The following EPCIP variants were observed in gnomAD, a reference collection of about 807,000 sequenced individuals.
EPCIP encodes the protein exosomal polycystin-1-interacting protein.
chr21:32,794,648 C>T, the EPCIP span, among the ~76,000 whole-genome samples: 1 of 152,252 alleles, frequency 6.6e-6, no homozygotes, highest in Non-Finnish European at 1.5e-5. Flanking sequence ...ACTGGGCAAG[C>T]TCTTTTCTCA....
At chr21:32,795,803 G>A in the EPCIP span, among the ~76,000 whole-genome samples, 1 of 152,240 alleles carries the variant, frequency 6.6e-6, no homozygotes, top group Non-Finnish European at 1.5e-5. Flanking sequence ...TAGACAGGCA[G>A]GAGGCACAAG....
the EPCIP span, chr21:32,794,226 C>T: frequency 8.5e-5 from 138 of 1,614,140 alleles, no homozygotes; most frequent in Middle Eastern, 6.6e-4. Flanking sequence ...AGGGGCAGGA[C>T]GGTTTTACAG....
chr21:32,807,149 G>T, the EPCIP span, among the ~76,000 whole-genome samples: 1,463 of 152,178 alleles, frequency 9.6e-3, 23 homozygotes, highest in African/African-American at 0.034. Context: ...ATTTGAGTGG[G>T]GACACAGCCA....
At chr21:32,800,292 A>C in the EPCIP span, among the ~76,000 whole-genome samples, 1 of 152,204 alleles carries the variant, frequency 6.6e-6, no homozygotes, top group Non-Finnish European at 1.5e-5. Flanking sequence ...CTAGATTGAG[A>C]AGGAATCTGT....
At chr21:32,806,004 C>A in the EPCIP span, among the ~76,000 whole-genome samples, 1 of 152,006 alleles carries the variant, frequency 6.6e-6, no homozygotes, top group African/African-American at 2.4e-5. Flanking sequence ...AGAGCGAAGA[C>A]GATATGGGAG....
chr21:32,810,504 G>A, the EPCIP span: 15 of 449,744 alleles, frequency 3.3e-5, no homozygotes, highest in East Asian at 7.1e-5. Context: ...CTCGTGATCC[G>A]CCCGCCTCGG....
chr21:32,791,637 G>T, the EPCIP span: 2 of 151,616 alleles, frequency 1.3e-5, no homozygotes, highest in Admixed American at 6.6e-5. Flanking sequence ...ACACTGACAT[G>T]GGCTCATGCT....
At chr21:32,807,862 C>T in the EPCIP span, 4 of 152,308 alleles carry the variant, frequency 2.6e-5, no homozygotes, top group African/African-American at 9.7e-5. Context: ...CACCTCCAAC[C>T]TCCTGTGACT....
chr21:32,810,728 C>T, the EPCIP span: 1 of 467,184 alleles, frequency 2.1e-6, no homozygotes. Flanking sequence ...GCATCATGCT[C>T]ACATGTCCCA....
chr21:32,802,131 G>C, the EPCIP span, among the ~76,000 whole-genome samples: 2 of 152,150 alleles, frequency 1.3e-5, no homozygotes, highest in Non-Finnish European at 2.9e-5. Context: ...TATGCTGGCA[G>C]TTACTTGGTC....
chr21:32,809,265 T>TTCCCTCCCTCCCTCCCTCCC, the EPCIP span, among the ~76,000 whole-genome samples: 1 of 56,628 alleles, frequency 1.8e-5, no homozygotes, highest in African/African-American at 5.0e-5. Context: ...CTTTTCTTTC[T>TTCCCTCCCTCCCTCCCTCCC]TCCCTCCCTC....
chr21:32,807,028 A>G, the EPCIP span, among the ~76,000 whole-genome samples: 1 of 152,184 alleles, frequency 6.6e-6, no homozygotes, highest in Non-Finnish European at 1.5e-5. Context: ...CGCAAGACTT[A>G]TTCACTACCA....
the EPCIP span, among the ~76,000 whole-genome samples, chr21:32,807,950 A>C: frequency 6.6e-6 from 1 of 152,194 alleles, no homozygotes; most frequent in South Asian, 2.1e-4. Context: ...CGTGAAATAC[A>C]CTTGGCTAGA....
the EPCIP span, among the ~76,000 whole-genome samples, chr21:32,812,729 ATAT>A: frequency 7.9e-5 from 12 of 152,160 alleles, no homozygotes; most frequent in Non-Finnish European, 1.5e-5. Flanking sequence ...TTTTTTATAA[ATAT>A]TATGCACAAT....
chr21:32,810,778 T>C, the EPCIP span: 1 of 411,748 alleles, frequency 2.4e-6, no homozygotes, highest in African/African-American at 2.1e-5. Context: ...CTAGTAGACA[T>C]CTCCAACTTA....
the EPCIP span, among the ~76,000 whole-genome samples, chr21:32,808,837 C>A: frequency 6.6e-6 from 1 of 152,032 alleles, no homozygotes; most frequent in African/African-American, 2.4e-5. Context: ...TTCTGTAAAC[C>A]TGAAACTATT....
At chr21:32,796,738 G>T in the EPCIP span, among the ~76,000 whole-genome samples, 1 of 152,148 alleles carries the variant, frequency 6.6e-6, no homozygotes, top group Admixed American at 6.5e-5. Flanking sequence ...TTAATTACAA[G>T]ATAATTTTAG....
the EPCIP span, among the ~76,000 whole-genome samples, chr21:32,804,695 A>G: frequency 6.6e-6 from 1 of 152,166 alleles, no homozygotes; most frequent in South Asian, 2.1e-4. Context: ...GCGTAAAACA[A>G]AAATGTCTCT....
the EPCIP span, among the ~76,000 whole-genome samples, chr21:32,796,626 G>A: frequency 1.1e-4 from 16 of 152,200 alleles, no homozygotes; most frequent in African/African-American, 4.8e-5. Flanking sequence ...TTTGAGAAAC[G>A]TGGAGAACAA....
Sources: allele counts gnomAD v4.1 joint callset (sites outside exome capture counted in the v4.1 genomes callset), GRCh38; gene constraint gnomAD v4.1.1; transcripts MANE v1.5; gene names NCBI Gene and HGNC (gene_info 2026-07-23, HGNC 2026-07-21).